Variants in FAT3 observed in about 807,000 individuals in gnomAD.
The protein encoded by FAT3 is protocadherin Fat 3.
Under a neutral mutation model 310.2 loss-of-function variants are expected in FAT3, and 95 were observed. That is an observed-to-expected ratio of 0.31 (90% CI 0.26 to 0.36). FAT3 has a LOEUF of 0.36. FAT3 is among the 10% of genes least tolerant of loss of function. The probability of loss-of-function intolerance (pLI) is 1.00; values close to 1 mark genes in which losing one functional copy is unlikely to be tolerated. For missense variants in FAT3, 5,408 were observed against 5,715.6 expected (o/e 0.95, Z 1.74); for synonymous variants, 2,314 against 2,192.9 (o/e 1.06, Z -1.54).
intron 2 of FAT3, chr11:92,400,305 A>G (rs1355851513): frequency 6.6e-6 from 1 of 152,128 alleles, no homozygotes; most frequent in East Asian, 1.9e-4. Context: ...GCTGAGAGCC[A>G]TTTTCTTTGT....
At chr11:92,393,504 C>G (rs1949793966) in intron 2 of FAT3, among the ~76,000 whole-genome samples, 1 of 152,118 alleles carries the variant, frequency 6.6e-6, no homozygotes. Flanking sequence ...TACCAGCATC[C>G]CAAGTCTTTC....
chr11:92,313,548 T>TTTTTG (rs964389600), intron 1 of FAT3, among the ~76,000 whole-genome samples: 2 of 152,124 alleles, frequency 1.3e-5, no homozygotes, highest in Non-Finnish European at 2.9e-5. Flanking sequence ...TCAAACCCAT[T>TTTTTG]TTTTGTTTTG....
At chr11:92,848,145 A>G (rs1424337184) in intron 19 of FAT3, among the ~76,000 whole-genome samples, 3 of 152,152 alleles carry the variant, frequency 2.0e-5, no homozygotes, top group Admixed American at 6.5e-5. Context: ...CCTCCTCCCA[A>G]CTTCCAGCTC....
chr11:92,566,192 A>G (rs1353523531), intron 3 of FAT3, among the ~76,000 whole-genome samples: 18 of 152,232 alleles, frequency 1.2e-4, no homozygotes. Flanking sequence ...GCATAGTCTC[A>G]GGATACAAAA....
chr11:92,877,385 C>T (rs998899072), intron 22 of FAT3, among the ~76,000 whole-genome samples: 5 of 152,132 alleles, frequency 3.3e-5, no homozygotes, highest in African/African-American at 1.2e-4. Context: ...GGCAATTGTT[C>T]CCCCAATGCT....
At chr11:92,332,812 C>G (rs189766703) in intron 1 of FAT3, among the ~76,000 whole-genome samples, 125 of 152,222 alleles carry the variant, frequency 8.2e-4, no homozygotes, top group South Asian at 1.5e-3. Context: ...CCATAGAGTT[C>G]CTCCATTTTC....
chr11:92,754,280 A>C (rs1041657359), intron 4 of FAT3, among the ~76,000 whole-genome samples: 1 of 152,130 alleles, frequency 6.6e-6, no homozygotes, highest in Non-Finnish European at 1.5e-5. Flanking sequence ...CAACAGATGC[A>C]TGAAGACTAT....
chr11:92,886,982 C>T lies in FAT3; in HGVS notation c.12938-18C>T, dbSNP rs751891179. ...GTAACCAGTGTAATTTCTGCTTTCT[C>T]TTTCACTGTCCATGAAGACAAAGGG... On this transcript the variant is annotated intron_variant, in intron 24 of 27. Coordinates refer to ENST00000525166, the MANE Select transcript of FAT3 (RefSeq NM_001367949.2). 5.2e-5 allele frequency: 82 copies of T among 1,577,536 alleles called. 1 individual carries two copies. The highest frequency in any genetic ancestry group is 3.3e-4 in the Middle Eastern group (2 of 6,040).
At position 92,355,023 on chromosome 11, in the gene FAT3, G is replaced by A; in HGVS notation, c.2911G>A (p.Val971Met). ...TCCAGATCTTGGACTGGGGGGTCAAGTGCGCTATTCTTTGGTCAATGACTA... is the reference window on the plus strand; with the variant it reads ...TCCAGATCTTGGACTGGGGGGTCAAATGCGCTATTCTTTGGTCAATGACTA... ...HDPDLGLGGQ[V>M]RYSLVNDYNG... The change falls in exon 2 of 28, where the codon GTG (valine) becomes ATG (methionine). Residue 971 changes from valine (V) to methionine (M), a missense_variant. Transcript: ENST00000525166. The A allele has an allele frequency of 6.2e-7, 1 of 1,613,842 alleles. No individual in the cohort carries two copies. Among genetic ancestry groups the A allele is most frequent in the Non-Finnish European group, 8.5e-7 (1 of 1,179,870 alleles).
intron 2 of FAT3, among the ~76,000 whole-genome samples, chr11:92,435,014 G>A (rs138632906): frequency 4.2e-4 from 64 of 152,270 alleles, no homozygotes; most frequent in African/African-American, 1.1e-3. Flanking sequence ...GAAGAGTTCC[G>A]TGGTGGCAGG....
intron 3 of FAT3, among the ~76,000 whole-genome samples, chr11:92,549,047 G>C (rs1185014706): frequency 6.6e-6 from 1 of 152,152 alleles, no homozygotes; most frequent in Non-Finnish European, 1.5e-5. Flanking sequence ...AATGTTAACT[G>C]TCAGATTCTA....
intron 22 of FAT3, among the ~76,000 whole-genome samples, chr11:92,869,819 A>G (rs914740300): frequency 1.3e-5 from 2 of 152,218 alleles, no homozygotes; most frequent in Non-Finnish European, 2.9e-5. Context: ...AAGAATATTT[A>G]TGCCTTCAAG....
intron 3 of FAT3, among the ~76,000 whole-genome samples, chr11:92,657,225 C>T (rs1266580349): frequency 1.3e-5 from 2 of 152,168 alleles, no homozygotes; most frequent in South Asian, 2.1e-4. Flanking sequence ...CCCTATTACT[C>T]CAAGTGGTTG....
chr11:92,693,133 G>C (rs1245097749), intron 3 of FAT3, among the ~76,000 whole-genome samples: 2 of 152,074 alleles, frequency 1.3e-5, no homozygotes, highest in African/African-American at 4.8e-5. Context: ...AAAAGTAATT[G>C]CACAGTTCCA....
chr11:92,441,499 G>T (rs993519968), intron 2 of FAT3, among the ~76,000 whole-genome samples: 3 of 152,154 alleles, frequency 2.0e-5, no homozygotes, highest in Non-Finnish European at 4.4e-5. Context: ...TAGCCGACCC[G>T]CAGATCGGGA....
chr11:92,759,313 G>T (rs974605515), intron 4 of FAT3, among the ~76,000 whole-genome samples: 1 of 152,358 alleles, frequency 6.6e-6, no homozygotes, highest in Admixed American at 6.5e-5. Flanking sequence ...AGAGCAGTGA[G>T]AAAACAAGCA....
intron 13 of FAT3, among the ~76,000 whole-genome samples, chr11:92,813,783 G>A (rs1177174223): frequency 6.6e-6 from 1 of 152,172 alleles, no homozygotes; most frequent in Non-Finnish European, 1.5e-5. Flanking sequence ...CTACATTTGT[G>A]TAAATGACAG....
Position 92,800,408 on chromosome 11 carries a change from C to G in FAT3, c.7395C>G (p.Tyr2465Ter), listed in dbSNP as rs745971997. 1 of 1,614,004 alleles carries G rather than the reference C, an allele frequency of 6.2e-7. No individual in the cohort carries two copies. Among genetic ancestry groups the G allele is most frequent in the Non-Finnish European group, 8.5e-7 (1 of 1,179,892 alleles). ...NHRKQRMEPL[Y>*]SLNVSVSDGL... ...GGAAGCAGCGGATGGAGCCTCTGTA[C>G]AGTCTCAATGTGTCTGTCTCTGATG... is the stretch of plus-strand genomic sequence containing the variant. The change falls in exon 10 of 28, where the codon TAC (tyrosine) becomes TAG (stop). Residue 2465 changes from tyrosine to a stop codon, truncating the protein, a stop_gained. Coordinates refer to ENST00000525166, the MANE Select transcript of FAT3 (RefSeq NM_001367949.2). LOFTEE classifies it high-confidence loss of function.
chr11:92,551,162 T>C (rs1371959742), intron 3 of FAT3, among the ~76,000 whole-genome samples: 1 of 151,960 alleles, frequency 6.6e-6, no homozygotes, highest in Non-Finnish European at 1.5e-5. Flanking sequence ...CAATTGGAGG[T>C]GAGCAAATAC....
Sources: allele counts gnomAD v4.1 joint callset (sites outside exome capture counted in the v4.1 genomes callset), GRCh38; gene constraint gnomAD v4.1.1; transcripts MANE v1.5; gene names NCBI Gene and HGNC (gene_info 2026-07-23, HGNC 2026-07-21).